COL24A1: variants seen among roughly 807,000 people sequenced by gnomAD.
COL24A1 encodes the protein collagen alpha-1(XXIV) chain.
A neutral mutation model predicts 253.9 loss-of-function variants in COL24A1; 224 were observed. That is an observed-to-expected ratio of 0.88 (90% CI 0.79 to 0.99). COL24A1 has a LOEUF of 0.99. COL24A1 is among the 50% of genes least tolerant of loss of function. The pLI is 0.00. For synonymous variants in COL24A1, 685 were observed against 673.7 expected, an observed-to-expected ratio of 1.02 and a Z score of -0.26; for missense variants, 2,131 against 2,068.5, an observed-to-expected ratio of 1.03 and a Z score of -0.59.
At chr1:86,139,611 A>G (rs1280172483) in intron 2 of COL24A1, among the ~76,000 whole-genome samples, 1 of 152,228 alleles carries the variant, frequency 6.6e-6, no homozygotes, top group African/African-American at 2.4e-5. Flanking sequence ...ATAAAGTATA[A>G]CAAGTTACAG....
chr1:85,834,176 A>T (rs1246858917), intron 43 of COL24A1, among the ~76,000 whole-genome samples: 1 of 152,164 alleles, frequency 6.6e-6, no homozygotes, highest in Non-Finnish European at 1.5e-5. Flanking sequence ...GAACTAAAGT[A>T]GGACAAAGTA....
intron 19 of COL24A1, among the ~76,000 whole-genome samples, chr1:86,001,971 G>A (rs1571552901): frequency 6.6e-6 from 1 of 152,180 alleles, no homozygotes; most frequent in East Asian, 1.9e-4. Flanking sequence ...ATTGAATATT[G>A]ACTTCTTGAC....
chr1:86,084,289 T>A (rs1359915050), intron 7 of COL24A1, among the ~76,000 whole-genome samples: 1 of 152,222 alleles, frequency 6.6e-6, no homozygotes, highest in East Asian at 1.9e-4. Context: ...ATAGAGATTT[T>A]AATTATTTTT....
chr1:85,969,809 ATAAT>A (rs1454885760), intron 22 of COL24A1, among the ~76,000 whole-genome samples: 1 of 152,032 alleles, frequency 6.6e-6, no homozygotes, highest in Non-Finnish European at 1.5e-5. Flanking sequence ...TTGAAAACAA[ATAAT>A]TAACATATTA....
intron 20 of COL24A1, among the ~76,000 whole-genome samples, chr1:85,975,213 A>C (rs1366914475): frequency 6.6e-6 from 1 of 152,172 alleles, no homozygotes; most frequent in Non-Finnish European, 1.5e-5. Flanking sequence ...AGTTTCCTCA[A>C]AAAAATAAAA....
Position 86,095,931 on chromosome 1 carries a change from G to A in COL24A1, c.1600-3611C>T, listed in dbSNP as rs187099165. On this transcript the variant is annotated intron_variant, in intron 5 of 59. Transcript: ENST00000370571. ...CTCCAGAGGGCCCTCGGTCTAGGGA[G>A]GGAAAGTCCCCAAGGTAGAGGACCC... Among the ~76,000 whole-genome samples the A allele has an allele frequency of 4.9e-3, 743 of 152,164 alleles. 9 individuals are homozygous for A. The highest frequency in any genetic ancestry group is 0.017 in the African/African-American group (708 of 41,548).
intron 31 of COL24A1, among the ~76,000 whole-genome samples, chr1:85,891,217 ATTTTTT>A (rs138122213): frequency 7.9e-6 from 1 of 127,108 alleles, no homozygotes; most frequent in Non-Finnish European, 1.7e-5. Context: ...CGCCCGGCTA[ATTTTTT>A]TTTTTTTTTT....
At chr1:86,099,644 A>G (rs370514409) in intron 5 of COL24A1, among the ~76,000 whole-genome samples, 2 of 152,170 alleles carry the variant, frequency 1.3e-5, no homozygotes, top group East Asian at 3.9e-4. Context: ...GTAATCTACC[A>G]GCAAATCATG....
At chr1:85,748,628 C>T (rs1665557337) in intron 55 of COL24A1, among the ~76,000 whole-genome samples, 1 of 148,444 alleles carries the variant, frequency 6.7e-6, no homozygotes, top group Non-Finnish European at 1.5e-5. Context: ...GTACCGGGTT[C>T]ATCTCACTAG....
intron 12 of COL24A1, among the ~76,000 whole-genome samples, chr1:86,040,288 A>C (rs2101597622): frequency 6.6e-6 from 1 of 151,550 alleles, no homozygotes; most frequent in Admixed American, 6.6e-5. Context: ...ATAACCTACA[A>C]GGCTCTTTTT....
At chr1:85,937,103 T>C (rs1406888060) in intron 24 of COL24A1, among the ~76,000 whole-genome samples, 1 of 147,458 alleles carries the variant, frequency 6.8e-6, no homozygotes, top group Non-Finnish European at 1.5e-5. Flanking sequence ...CTCTGGGGGA[T>C]CCCTTACGAC....
In COL24A1 at chr1:85,842,362, T is replaced by C. The variant is rs1482039234; in HGVS notation, c.3494A>G (p.Glu1165Gly). Residue 1165 changes from glutamate to glycine, a missense_variant, in exon 40 of 60, where the codon GAA becomes GGA. Glu to Gly is a moderately conservative substitution (Grantham distance 98). Transcript: ENST00000370571. ...TACCCTGTACCCTGGAATTCCTGGT[T>C]CTCCATCAGGTCCCATCAATCCTAA... is the stretch of plus-strand genomic sequence containing the variant. ...GHLGLMGPDGEPGIPGYRGHQ... is the reference protein window; with the variant it reads ...GHLGLMGPDGGPGIPGYRGHQ... 1.2e-6 allele frequency: 2 copies of C among 1,601,160 alleles called. No homozygotes were observed. The highest frequency in any genetic ancestry group is 1.7e-6 in the Non-Finnish European group (2 of 1,173,262).
At chr1:86,063,870 T>C (rs556796362) in intron 7 of COL24A1, 111 bp from the exon 8 acceptor site, 154 of 503,528 alleles carry the variant, frequency 3.1e-4, no homozygotes, top group African/African-American at 2.7e-3. Context: ...GCCTCATCAA[T>C]ACAAATTTAA....
intron 1 of COL24A1, 106 bp downstream of exon 1, chr1:86,156,235 A>G: frequency 9.2e-7 from 1 of 1,085,094 alleles, no homozygotes; most frequent in Non-Finnish European, 1.3e-6. Flanking sequence ...AAAGCCAAAA[A>G]GTGCCAAGGA....
chr1:85,908,970 A>G (rs1391627890), intron 26 of COL24A1, among the ~76,000 whole-genome samples: 1 of 151,798 alleles, frequency 6.6e-6, no homozygotes, highest in East Asian at 1.9e-4. Flanking sequence ...ATTTTTCTGA[A>G]GATCATGTTA....
At chr1:85,969,826 CA>C (rs1691966863) in intron 22 of COL24A1, among the ~76,000 whole-genome samples, 1 of 151,860 alleles carries the variant, frequency 6.6e-6, no homozygotes, top group Non-Finnish European at 1.5e-5. Context: ...ACATATTACC[CA>C]TGGTATTATC....
intron 37 of COL24A1, among the ~76,000 whole-genome samples, chr1:85,855,924 G>T (rs1678386825): frequency 6.6e-6 from 1 of 152,118 alleles, no homozygotes; most frequent in East Asian, 1.9e-4. Context: ...AATCTTGGGA[G>T]GTTGTATGTT....
intron 37 of COL24A1, among the ~76,000 whole-genome samples, chr1:85,864,221 T>C (rs1202542601): frequency 6.6e-6 from 1 of 152,024 alleles, no homozygotes; most frequent in Non-Finnish European, 1.5e-5. Flanking sequence ...TATGCAGCCA[T>C]AAAAAAGGAT....
intron 19 of COL24A1, among the ~76,000 whole-genome samples, chr1:86,012,685 T>C (rs1696618520): frequency 6.6e-6 from 1 of 152,152 alleles, no homozygotes; most frequent in Admixed American, 6.6e-5. Flanking sequence ...AGAGTAACCT[T>C]TGAAAAGCAT....
Sources: gnomAD v4.1 joint callset for allele counts (sites outside exome capture counted in the v4.1 genomes callset) on GRCh38, gnomAD v4.1.1 for gene constraint, MANE v1.5 for transcripts, NCBI Gene and HGNC (gene_info 2026-07-23, HGNC 2026-07-21) for gene names.